The following DOCK3 variants were observed in gnomAD, a reference collection of about 807,000 sequenced individuals.
DOCK3 encodes the protein dedicator of cytokinesis 3, also known as dedicator of cytokinesis protein 3.
In DOCK3, 60 loss-of-function variants were observed where a neutral mutation model predicts 265.6. That is an observed-to-expected ratio of 0.23 (90% CI 0.18 to 0.28). The LOEUF is 0.28. Ranked by LOEUF, DOCK3 falls within the 10% of genes least tolerant of loss-of-function variation. The pLI, the probability that DOCK3 is intolerant of heterozygous loss-of-function variation, is 1.00. For missense variants in DOCK3, 1,981 were observed against 2,594.3 expected (o/e 0.76, Z 5.14); for synonymous variants, 881 against 938.0 (o/e 0.94, Z 1.11).
intron 22 of DOCK3, among the ~76,000 whole-genome samples, chr3:51,254,691 C>A (rs1029283644): frequency 2.6e-5 from 4 of 152,044 alleles, no homozygotes; most frequent in Non-Finnish European, 5.9e-5. Flanking sequence ...GATTGCAACC[C>A]CTGCTTTTTT....
intron 5 of DOCK3, among the ~76,000 whole-genome samples, chr3:50,940,101 A>G (rs1321483065): frequency 2.6e-5 from 4 of 152,164 alleles, no homozygotes; most frequent in Admixed American, 2.6e-4. Context: ...TCATATTTCC[A>G]CAAATAACAA....
chr3:51,295,779 TGGG>T (rs2082046228), intron 27 of DOCK3, among the ~76,000 whole-genome samples: 1 of 132,514 alleles, frequency 7.5e-6, no homozygotes, highest in Non-Finnish European at 1.6e-5. Flanking sequence ...AATAAGGCGT[TGGG>T]GGGTGGGGGG....
chr3:50,940,066 T>TACACACACAAACACACAC (rs1188486213), intron 5 of DOCK3, among the ~76,000 whole-genome samples: 1 of 151,328 alleles, frequency 6.6e-6, no homozygotes, highest in African/African-American at 2.4e-5. Context: ...GACACACACA[T>TACACACACAAACACACAC]ACACACACAA....
At chr3:50,700,490 A>C (rs934482938) in intron 1 of DOCK3, among the ~76,000 whole-genome samples, 1 of 151,240 alleles carries the variant, frequency 6.6e-6, no homozygotes, top group Non-Finnish European at 1.5e-5. Context: ...CATGAGATCC[A>C]TTTTTTTTTA....
rs748317230 is a variant in DOCK3, at chr3:51,357,034, A to C, written c.4576A>C (p.Ser1526Arg). 6.2e-7 allele frequency: 1 copy of C among 1,613,450 alleles called. No individual in the cohort carries two copies. Among genetic ancestry groups the C allele is most frequent in the Non-Finnish European group, 8.5e-7 (1 of 1,179,888 alleles). ...NKNQELRSLISQYQHKQVHGN... is the reference protein window; with the variant it reads ...NKNQELRSLIRQYQHKQVHGN... The stretch of plus-strand genomic sequence containing the variant: ...GAACCAGGAGCTACGCTCCCTGATC[A>C]GCCAGTATCAACACAAGCAGGTGCA... Residue 1526 changes from serine to arginine, a missense_variant, in exon 44 of 53, where the codon AGC becomes CGC. Coordinates refer to ENST00000266037, the MANE Select transcript of DOCK3 (RefSeq NM_004947.5).
chr3:50,930,242 T>G (rs1334485826), intron 4 of DOCK3, among the ~76,000 whole-genome samples: 1 of 152,250 alleles, frequency 6.6e-6, no homozygotes, highest in Non-Finnish European at 1.5e-5. Flanking sequence ...TGCATTAATC[T>G]TAGTAAAACA....
At chr3:50,987,634 A>G (rs2077950397) in intron 5 of DOCK3, among the ~76,000 whole-genome samples, 1 of 152,214 alleles carries the variant, frequency 6.6e-6, no homozygotes, top group Middle Eastern at 3.2e-3. Flanking sequence ...AAACACCTTC[A>G]ACTGAAACAT....
chr3:51,080,638 T>A (rs999595945), intron 7 of DOCK3, among the ~76,000 whole-genome samples: 2 of 152,172 alleles, frequency 1.3e-5, no homozygotes, highest in African/African-American at 4.8e-5. Flanking sequence ...AATAAAAAAA[T>A]TACTTATTAT....
In DOCK3 at chr3:50,873,337, G is replaced by T. The variant is rs565359853; in HGVS notation, c.163-16689G>T. Among the ~76,000 whole-genome samples the T allele has an allele frequency of 1.1e-4, 17 of 152,262 alleles. No individual in the cohort carries two copies. In the East Asian group the frequency reaches 3.1e-3, roughly 28 times the overall value. On this transcript the variant is annotated intron_variant, in intron 3 of 52. Coordinates refer to ENST00000266037, the MANE Select transcript of DOCK3 (RefSeq NM_004947.5). ...GTATGTCTAGAAATGTCATCTGGGA[G>T]CTAGGGCCTGGAAAGGGGACCTCAT...
chr3:51,237,124 C>T (rs1031367158), intron 20 of DOCK3, among the ~76,000 whole-genome samples: 3 of 152,110 alleles, frequency 2.0e-5, no homozygotes, highest in Admixed American at 1.3e-4. Context: ...AGAGGACAAG[C>T]TTTTTTTCCT....
chr3:51,208,718 A>G, intron 12 of DOCK3, 56 bp from the exon 13 acceptor site: 2 of 1,436,290 alleles, frequency 1.4e-6, no homozygotes, highest in African/African-American at 1.4e-5. Context: ...ACATTGGAAC[A>G]TCAGACCAGT....
At chr3:51,216,342 T>C (rs1214875344) in intron 14 of DOCK3, among the ~76,000 whole-genome samples, 1 of 152,208 alleles carries the variant, frequency 6.6e-6, no homozygotes, top group Non-Finnish European at 1.5e-5. Flanking sequence ...CAGCTAGACA[T>C]GACTCTGGAA....
At chr3:51,008,235 A>G (rs1200461194) in intron 5 of DOCK3, among the ~76,000 whole-genome samples, 1 of 152,188 alleles carries the variant, frequency 6.6e-6, no homozygotes, top group Non-Finnish European at 1.5e-5. Context: ...TTTTCACGAT[A>G]TGGATTCTTC....
At chr3:51,103,416 T>C (rs973801347) in intron 9 of DOCK3, among the ~76,000 whole-genome samples, 4 of 152,220 alleles carry the variant, frequency 2.6e-5, no homozygotes, top group African/African-American at 9.6e-5. Context: ...ATGAGCCTTA[T>C]TGTCGTCCTG....
At chr3:50,720,243 G>C (rs2037390833) in intron 1 of DOCK3, among the ~76,000 whole-genome samples, 1 of 152,028 alleles carries the variant, frequency 6.6e-6, no homozygotes, top group South Asian at 2.1e-4. Flanking sequence ...CACCCAGGTA[G>C]TAAACATAGT....
chr3:50,965,800 C>G (rs1358946426), intron 5 of DOCK3, among the ~76,000 whole-genome samples: 3 of 151,930 alleles, frequency 2.0e-5, no homozygotes, highest in Non-Finnish European at 2.9e-5. Flanking sequence ...CATTTTTTAG[C>G]TTAAAAATAT....
intron 3 of DOCK3, among the ~76,000 whole-genome samples, chr3:50,858,127 A>G (rs1045035067): frequency 3.3e-5 from 5 of 152,228 alleles, no homozygotes; most frequent in Non-Finnish European, 5.9e-5. Context: ...TGTCCTTTGC[A>G]GAGACATGGA....
chr3:50,717,039 A>G (rs191815834), intron 1 of DOCK3, among the ~76,000 whole-genome samples: 436 of 152,312 alleles, frequency 2.9e-3, no homozygotes, highest in Middle Eastern at 6.8e-3. Context: ...CCCTCTAGTT[A>G]ATACTTCTTG....
intron 2 of DOCK3, among the ~76,000 whole-genome samples, chr3:50,806,806 T>C (rs893098931): frequency 1.5e-4 from 23 of 152,010 alleles, no homozygotes; most frequent in Non-Finnish European, 2.4e-4. Flanking sequence ...AGTCTCAAGA[T>C]GGTGTCTTGC....
Sources: gnomAD v4.1 joint callset for allele counts (sites outside exome capture counted in the v4.1 genomes callset) on GRCh38, gnomAD v4.1.1 for gene constraint, MANE v1.5 for transcripts, NCBI Gene and HGNC (gene_info 2026-07-23, HGNC 2026-07-21) for gene names.